The following PIP4K2A variants were observed in gnomAD, a reference collection of about 807,000 sequenced individuals.
The protein encoded by PIP4K2A is phosphatidylinositol-5-phosphate 4-kinase type 2 alpha, also known as phosphatidylinositol 5-phosphate 4-kinase type-2 alpha.
Under a neutral mutation model 42.9 loss-of-function variants are expected in PIP4K2A, and 14 were observed. That is an observed-to-expected ratio of 0.33 (90% confidence interval 0.22 to 0.51). The LOEUF is 0.51. Among genes scored for constraint, PIP4K2A ranks in the 20% least tolerant of loss-of-function variants. The pLI is 0.97. For missense variants in PIP4K2A, 434 were observed against 519.8 expected, an observed-to-expected ratio of 0.83 and a Z score of 1.61; for synonymous variants, 192 against 192.2, an observed-to-expected ratio of 1.00 and a Z score of 0.01.
chr10:22,559,142 C>T lies in PIP4K2A; in HGVS notation c.679-8370G>A, dbSNP rs538776100. ...TCTAAGAAATGTCAAAGGCTGAACA[C>T]TCAAGGAGTTTGCTAACTCCTCTAG... On this transcript the variant is annotated intron_variant, in intron 6 of 9. Transcript: ENST00000376573. Among the ~76,000 whole-genome samples the T allele has an allele frequency of 6.3e-4, 96 of 152,312 alleles. 2 individuals carry two copies. The highest frequency in any genetic ancestry group is 2.3e-3 in the African/African-American group (95 of 41,558).
rs535682985 is a variant in PIP4K2A, at chr10:22,576,461, C to G, written c.493-3004G>C. On this transcript the variant is annotated intron_variant, in intron 4 of 9. Transcript: ENST00000376573. ...CCTACACACACCAGCTGCTGGAGGT[C>G]AGCCCTGAACCAGGGAGACTGTAGA... Among the ~76,000 whole-genome samples, 59 of 152,292 alleles carry G rather than the reference C, an allele frequency of 3.9e-4. No individual in the cohort carries two copies. The South Asian group carries it at 0.012, about 30-fold the overall frequency.
Position 22,687,751 on chromosome 10 carries a change from A to AT in PIP4K2A, c.144+26431dup, listed in dbSNP as rs371645707. ...CTCTATATCATTTCTATAATCCCAAATATAAAGTAAATGCTATGTGAATAG... is the reference window on the plus strand; with the variant it reads ...CTCTATATCATTTCTATAATCCCAAATTATAAAGTAAATGCTATGTGAATAG... On this transcript the variant is annotated intron_variant, in intron 1 of 9. Coordinates refer to ENST00000376573, the MANE Select transcript of PIP4K2A (RefSeq NM_005028.5). Among the ~76,000 whole-genome samples the AT allele has an allele frequency of 4.1e-3, 617 of 152,298 alleles. 8 individuals are homozygous for AT. The highest frequency in any genetic ancestry group is 0.013 in the African/African-American group (524 of 41,554).
chr10:22,612,203 C>T (rs1316737600), intron 1 of PIP4K2A, among the ~76,000 whole-genome samples: 3 of 152,208 alleles, frequency 2.0e-5, no homozygotes, highest in East Asian at 1.9e-4. Context: ...GGGCACAGCT[C>T]GGACACCAGT....
intron 1 of PIP4K2A, among the ~76,000 whole-genome samples, chr10:22,704,651 G>GAA (rs113174364): frequency 0.02 from 1,284 of 64,062 alleles, 40 homozygotes; most frequent in African/African-American, 0.064. Context: ...GACCTCATCT[G>GAA]AAAAAAAAAA....
chr10:22,644,880 G>A (rs1007130930), intron 1 of PIP4K2A, among the ~76,000 whole-genome samples: 2 of 152,078 alleles, frequency 1.3e-5, no homozygotes, highest in Admixed American at 6.5e-5. Flanking sequence ...TTGTTTCATG[G>A]CAACTTGCCC....
At chr10:22,609,521 T>C (rs1277802332) in intron 2 of PIP4K2A, 99 bp downstream of exon 2, 1 of 723,976 alleles carries the variant, frequency 1.4e-6, no homozygotes, top group Non-Finnish European at 2.5e-6. Flanking sequence ...AGCAAAACTT[T>C]ACTCCCACCC....
chr10:22,559,208 A>G (rs1309885529), intron 6 of PIP4K2A, among the ~76,000 whole-genome samples: 3 of 152,220 alleles, frequency 2.0e-5, no homozygotes, highest in Admixed American at 6.5e-5. Flanking sequence ...TCATTATTTA[A>G]TTAAGAATTA....
intron 7 of PIP4K2A, among the ~76,000 whole-genome samples, chr10:22,549,351 C>G (rs1332217492): frequency 7.0e-6 from 1 of 141,872 alleles, no homozygotes; most frequent in East Asian, 2.0e-4. Context: ...TTTTCTTTTT[C>G]TTTTTTTTTT....
chr10:22,678,588 G>A (rs1018882033), intron 1 of PIP4K2A, among the ~76,000 whole-genome samples: 1 of 152,194 alleles, frequency 6.6e-6, no homozygotes, highest in Non-Finnish European at 1.5e-5. Context: ...TTTATGAAAT[G>A]AGTTTGCTGT....
chr10:22,623,573 T>C (rs1588670658), intron 1 of PIP4K2A, among the ~76,000 whole-genome samples: 1 of 151,886 alleles, frequency 6.6e-6, no homozygotes, highest in Non-Finnish European at 1.5e-5. Context: ...GGAAGGGAGG[T>C]ACCCCCAGGA....
At chr10:22,608,060 A>G (rs1363509050) in intron 2 of PIP4K2A, 37 bp from the exon 3 acceptor site, 1 of 1,380,164 alleles carries the variant, frequency 7.2e-7, no homozygotes, top group Non-Finnish European at 1.0e-6. Context: ...GCTCAGAGAG[A>G]GTCAATCAGA....
At chr10:22,636,928 G>A (rs1838678324) in intron 1 of PIP4K2A, among the ~76,000 whole-genome samples, 1 of 152,250 alleles carries the variant, frequency 6.6e-6, no homozygotes, top group Admixed American at 6.5e-5. Flanking sequence ...CCCAGATCCA[G>A]TGATTCCCCA....
At chr10:22,575,948 C>T (rs1431977941) in intron 4 of PIP4K2A, among the ~76,000 whole-genome samples, 1 of 150,028 alleles carries the variant, frequency 6.7e-6, no homozygotes, top group East Asian at 2.0e-4. Flanking sequence ...AAAAAAAAAA[C>T]AAAAAAGAAA....
chr10:22,627,591 T>TAAAAAAAAAAAAAA lies in PIP4K2A; in HGVS notation c.145-17888_145-17875dup, dbSNP rs57671642. On this transcript the variant is annotated intron_variant, in intron 1 of 9. Coordinates refer to ENST00000376573, the MANE Select transcript of PIP4K2A (RefSeq NM_005028.5). Reference sequence around the variant, plus strand: ...TGTTTAACCAAAAGCTAATATGTAATAAAAAAAAAAAAAAAAAAAAAAAAA... The same window carrying TAAAAAAAAAAAAAA: ...TGTTTAACCAAAAGCTAATATGTAATAAAAAAAAAAAAAAAAAAAAAAAAAAAAAAAAAAAAAAA... Among the ~76,000 whole-genome samples the TAAAAAAAAAAAAAA allele has an allele frequency of 1.1e-3, 61 of 57,026 alleles. 7 individuals are homozygous for TAAAAAAAAAAAAAA. Among genetic ancestry groups the TAAAAAAAAAAAAAA allele is most frequent in the South Asian group, 1.7e-3 (2 of 1,212 alleles). The allele number at this position is 57,026 out of a possible 152,430, so 37.4% of individuals were successfully genotyped here.
chr10:22,684,959 G>GCTTA (rs1171362224), intron 1 of PIP4K2A, among the ~76,000 whole-genome samples: 2 of 152,260 alleles, frequency 1.3e-5, no homozygotes, highest in East Asian at 3.9e-4. Flanking sequence ...AAAACAGGGT[G>GCTTA]CTAGTAAGGG....
At chr10:22,577,187 A>G (rs1837145107) in intron 4 of PIP4K2A, among the ~76,000 whole-genome samples, 1 of 152,080 alleles carries the variant, frequency 6.6e-6, no homozygotes, top group African/African-American at 2.4e-5. Flanking sequence ...ATCAGGGAGC[A>G]GAGACACCTG....
intron 4 of PIP4K2A, among the ~76,000 whole-genome samples, chr10:22,575,887 G>A (rs181770185): frequency 3.3e-5 from 5 of 151,726 alleles, no homozygotes; most frequent in East Asian, 3.9e-4. Context: ...TCAGTGAGCC[G>A]AGATCGTGCC....
intron 6 of PIP4K2A, among the ~76,000 whole-genome samples, chr10:22,554,339 G>A (rs1051785044): frequency 1.3e-5 from 2 of 152,064 alleles, no homozygotes; most frequent in East Asian, 3.8e-4. Context: ...TAAACTCTTG[G>A]TGTAAAACTG....
chr10:22,610,933 A>G (rs1034873955), intron 1 of PIP4K2A, among the ~76,000 whole-genome samples: 2 of 152,236 alleles, frequency 1.3e-5, no homozygotes, highest in Non-Finnish European at 2.9e-5. Flanking sequence ...TCACAGAGAC[A>G]GCAACGACTA....
Sources: gnomAD v4.1 joint callset for allele counts (sites outside exome capture counted in the v4.1 genomes callset) on GRCh38, gnomAD v4.1.1 for gene constraint, MANE v1.5 for transcripts, NCBI Gene and HGNC (gene_info 2026-07-23, HGNC 2026-07-21) for gene names.